The following KCTD16 variants were observed in gnomAD, a reference collection of about 807,000 sequenced individuals.
KCTD16 encodes BTB/POZ domain-containing protein KCTD16.
A neutral mutation model predicts 33.2 loss-of-function variants in KCTD16; 13 were observed. That is an observed-to-expected ratio of 0.39 (90% CI 0.25 to 0.62). KCTD16 has a LOEUF of 0.62. Ranked by LOEUF, KCTD16 falls within the 20% of genes least tolerant of loss-of-function variation. The pLI is 0.50. For synonymous variants in KCTD16, 197 were observed against 195.3 expected, an observed-to-expected ratio of 1.01 and a Z score of -0.07; for missense variants, 441 against 525.1, an observed-to-expected ratio of 0.84 and a Z score of 1.57.
chr5:144,438,536 C>T (rs1241412889), intron 3 of KCTD16, among the ~76,000 whole-genome samples: 1 of 152,170 alleles, frequency 6.6e-6, no homozygotes, highest in African/African-American at 2.4e-5. Context: ...TGAGAGGAGG[C>T]GGGCTCATCC....
chr5:144,355,097 C>G (rs1000217299), intron 3 of KCTD16, among the ~76,000 whole-genome samples: 4 of 152,036 alleles, frequency 2.6e-5, no homozygotes, highest in African/African-American at 9.7e-5. Flanking sequence ...ACAAGTTACC[C>G]AAAGTCAGAC....
intron 3 of KCTD16, among the ~76,000 whole-genome samples, chr5:144,250,949 T>G (rs1193387322): frequency 6.6e-6 from 1 of 152,156 alleles, no homozygotes; most frequent in African/African-American, 2.4e-5. Flanking sequence ...ATTATATATA[T>G]GTATATATGT....
chr5:144,483,423 G>C lies in KCTD16; in HGVS notation c.*9309G>C, dbSNP rs557352930. ...ATTTATAATATGCATATTGTAAATA[G>C]ATACTAAAAGTCATGGGCACATTGT... is the stretch of plus-strand genomic sequence containing the variant. On this transcript the variant is annotated 3_prime_UTR_variant, in exon 4 of 4. Transcript: ENST00000512467. 1 of 151,956 alleles carries C rather than the reference G, an allele frequency of 6.6e-6. No homozygotes were observed. The highest frequency in any genetic ancestry group is 2.4e-5 in the African/African-American group (1 of 41,500). 9.4% of individuals were successfully genotyped at this position (151,956 alleles called of 1,614,324 possible). A position where few individuals can be genotyped will look rare whatever the true frequency, so the allele number is the denominator to read the frequency against.
At chr5:144,461,097 T>TA (rs1434103332) in intron 3 of KCTD16, among the ~76,000 whole-genome samples, 1 of 152,180 alleles carries the variant, frequency 6.6e-6, no homozygotes, top group Non-Finnish European at 1.5e-5. Flanking sequence ...TTAAATTTCT[T>TA]ACAAAAAATG....
chr5:144,271,777 A>T (rs1182634837), intron 3 of KCTD16, among the ~76,000 whole-genome samples: 1 of 150,424 alleles, frequency 6.6e-6, no homozygotes, highest in Admixed American at 6.7e-5. Flanking sequence ...ACACACACAC[A>T]CACACACACA....
At chr5:144,194,471 A>G (rs1193881391) in intron 2 of KCTD16, among the ~76,000 whole-genome samples, 1 of 152,210 alleles carries the variant, frequency 6.6e-6, no homozygotes, top group Non-Finnish European at 1.5e-5. Context: ...GGATTGGTCA[A>G]TGTTAGTGAT....
At chr5:144,411,727 A>G (rs1752936799) in intron 3 of KCTD16, among the ~76,000 whole-genome samples, 1 of 152,214 alleles carries the variant, frequency 6.6e-6, no homozygotes, top group African/African-American at 2.4e-5. Context: ...CAAAGGAAAC[A>G]ATCAAAAAAG....
intron 3 of KCTD16, among the ~76,000 whole-genome samples, chr5:144,453,714 A>G (rs773434102): frequency 6.6e-5 from 10 of 152,186 alleles, no homozygotes; most frequent in Non-Finnish European, 1.2e-4. Flanking sequence ...TATTTTCATC[A>G]TGGTAGAATT....
At chr5:144,237,783 C>G (rs529404733) in intron 3 of KCTD16, among the ~76,000 whole-genome samples, 1 of 152,118 alleles carries the variant, frequency 6.6e-6, no homozygotes, top group African/African-American at 2.4e-5. Context: ...AGTTATAAGT[C>G]CCACAGCAGA....
chr5:144,343,711 G>A (rs1234196901), intron 3 of KCTD16, among the ~76,000 whole-genome samples: 3 of 152,052 alleles, frequency 2.0e-5, no homozygotes, highest in Non-Finnish European at 4.4e-5. Context: ...TCTCTTGTTG[G>A]CATTTAGTGG....
chr5:144,317,618 C>G (rs931683949), intron 3 of KCTD16, among the ~76,000 whole-genome samples: 4 of 152,166 alleles, frequency 2.6e-5, no homozygotes, highest in African/African-American at 9.7e-5. Context: ...GTGTCAGTTC[C>G]TCTGCCCTTA....
At chr5:144,328,850 C>G (rs1179326181) in intron 3 of KCTD16, among the ~76,000 whole-genome samples, 1 of 146,360 alleles carries the variant, frequency 6.8e-6, no homozygotes, top group African/African-American at 2.6e-5. Context: ...AAAGACTTTG[C>G]TGTAGCTTTT....
rs78747894 is a variant in KCTD16 at position 144,317,126 on chromosome 5, C to T, written c.832+109580C>T. 6.6e-5 allele frequency among the ~76,000 whole-genome samples: 10 copies of T among 151,866 alleles called. No individual in the cohort carries two copies. The South Asian group carries it at 8.3e-4, about 13-fold the overall frequency. On this transcript the variant is annotated intron_variant, in intron 3 of 3. Transcript: ENST00000512467. Reference sequence around the variant, plus strand: ...CAGGTGTGAGCCACCAAGCCCGGCCCGGCCAGCATCTTTTTAATGTAAATT... The same window carrying T: ...CAGGTGTGAGCCACCAAGCCCGGCCTGGCCAGCATCTTTTTAATGTAAATT...
At chr5:144,349,865 A>C (rs1752902954) in intron 3 of KCTD16, among the ~76,000 whole-genome samples, 1 of 152,210 alleles carries the variant, frequency 6.6e-6, no homozygotes, top group South Asian at 2.1e-4. Context: ...GGACCCCCAA[A>C]TGATCTCCTA....
chr5:144,416,661 C>G (rs986324378), intron 3 of KCTD16, among the ~76,000 whole-genome samples: 1 of 152,062 alleles, frequency 6.6e-6, no homozygotes, highest in Non-Finnish European at 1.5e-5. Context: ...TTATAGCAAA[C>G]AATTCAGTGG....
chr5:144,330,002 A>G (rs1752311540), intron 3 of KCTD16, among the ~76,000 whole-genome samples: 2 of 152,316 alleles, frequency 1.3e-5, no homozygotes, highest in African/African-American at 2.4e-5. Flanking sequence ...TTCTAAATTC[A>G]CCAAGTCCAT....
chr5:144,358,090 A>ATTTTTTTTT (rs539287370), intron 3 of KCTD16, among the ~76,000 whole-genome samples: 2 of 114,438 alleles, frequency 1.7e-5, no homozygotes, highest in Non-Finnish European at 3.4e-5. Context: ...CACCCGGCTA[A>ATTTTTTTTT]TTTTTTTTTT....
rs945384034 is a variant in KCTD16 at position 144,360,643 on chromosome 5, G to A, written c.833-113017G>A. Among the ~76,000 whole-genome samples the A allele has an allele frequency of 5.3e-5, 8 of 152,156 alleles. No homozygotes were observed. In the East Asian group the frequency reaches 1.6e-3, roughly 30 times the overall value. On this transcript the variant is annotated intron_variant, in intron 3 of 3. Coordinates refer to ENST00000512467, the MANE Select transcript of KCTD16 (RefSeq NM_020768.4). Reference sequence around the variant, plus strand: ...GATGGGCTTTCACCATATTGGCCAGGCTGCTCTCAAACTCCTGAGCTCGTG... The same window carrying A: ...GATGGGCTTTCACCATATTGGCCAGACTGCTCTCAAACTCCTGAGCTCGTG...
At chr5:144,224,212 T>C (rs1254088721) in intron 3 of KCTD16, among the ~76,000 whole-genome samples, 1 of 152,140 alleles carries the variant, frequency 6.6e-6, no homozygotes, top group Non-Finnish European at 1.5e-5. Context: ...ACTTTACATT[T>C]TTTTTTATAA....
Sources: allele counts gnomAD v4.1 joint callset (sites outside exome capture counted in the v4.1 genomes callset), GRCh38; gene constraint gnomAD v4.1.1; transcripts MANE v1.5; gene names NCBI Gene and HGNC (gene_info 2026-07-23, HGNC 2026-07-21).